Variants in PPP1R7 observed in about 807,000 individuals in gnomAD.
PPP1R7 encodes the protein protein phosphatase 1 regulatory subunit 22.
A neutral mutation model predicts 45.2 loss-of-function variants in PPP1R7; 18 were observed. The observed-to-expected ratio is 0.40, with a 90% CI of 0.28 to 0.59. PPP1R7 has a LOEUF of 0.59. PPP1R7 is among the 20% of genes least tolerant of loss of function. The pLI is 0.46. For synonymous variants in PPP1R7, 181 were observed against 183.4 expected (o/e 0.99, Z 0.11); for missense variants, 314 against 455.8 (o/e 0.69, Z 2.83).
chr2:241,165,704 C>T (rs2067689434), intron 7 of PPP1R7, among the ~76,000 whole-genome samples: 1 of 152,040 alleles, frequency 6.6e-6, no homozygotes, highest in Non-Finnish European at 1.5e-5. Context: ...CGCCATTCTC[C>T]TGCCTCAGCC....
At chr2:241,154,350 G>C (rs59600373) in intron 2 of PPP1R7, among the ~76,000 whole-genome samples, 4 of 151,984 alleles carry the variant, frequency 2.6e-5, no homozygotes, top group Non-Finnish European at 5.9e-5. Flanking sequence ...TTATTTCTGA[G>C]TCTTGCCTTA....
At chr2:241,150,819 C>G (rs1321101248) in intron 1 of PPP1R7, among the ~76,000 whole-genome samples, 1 of 152,092 alleles carries the variant, frequency 6.6e-6, no homozygotes, top group African/African-American at 2.4e-5. Flanking sequence ...GAATGGGACG[C>G]GGTGGCTCCA....
chr2:241,182,264 A>G (rs1005842618), intron 9 of PPP1R7, among the ~76,000 whole-genome samples: 1 of 152,222 alleles, frequency 6.6e-6, no homozygotes, highest in Admixed American at 6.5e-5. Context: ...GTGATGGCGC[A>G]GAGTGCAGCC....
intron 2 of PPP1R7, among the ~76,000 whole-genome samples, 194 bp downstream of exon 2, chr2:241,153,798 C>T (rs554007734): frequency 3.9e-5 from 6 of 152,138 alleles, no homozygotes; most frequent in East Asian, 1.9e-4. Flanking sequence ...TCATTGATGG[C>T]GTTTGCAAAA....
At chr2:241,149,949 C>T, upstream of PPP1R7, 1 of 1,426,384 alleles carries the variant, frequency 7.0e-7, no homozygotes, top group Non-Finnish European at 9.1e-7. Flanking sequence ...GAGAAGGCGG[C>T]ATTTCGCATG....
intron 6 of PPP1R7, 141 bp from the exon 7 acceptor site, chr2:241,163,144 C>T: frequency 1.5e-6 from 1 of 645,976 alleles, no homozygotes; most frequent in East Asian, 2.6e-5. Context: ...AGGATTTCCA[C>T]TGGAAGTCTT....
intron 9 of PPP1R7, among the ~76,000 whole-genome samples, chr2:241,181,545 C>T (rs1351061590): frequency 6.6e-6 from 1 of 152,042 alleles, no homozygotes; most frequent in Non-Finnish European, 1.5e-5. Context: ...GTGTGCCAGA[C>T]AGGGCCCCAG....
At chr2:241,169,919 C>A in intron 9 of PPP1R7, 52 bp downstream of exon 9, 3 of 1,379,278 alleles carry the variant, frequency 2.2e-6, no homozygotes, top group Non-Finnish European at 3.1e-6. Context: ...ACTGGTCTCA[C>A]TGATTAAAAT....
At position 241,182,896 on chromosome 2, in the gene PPP1R7, T is replaced by G. The variant is rs2068029662; in HGVS notation, c.*73T>G. On this transcript the variant is annotated 3_prime_UTR_variant, in exon 10 of 10. Coordinates refer to ENST00000234038, the MANE Select transcript of PPP1R7 (RefSeq NM_002712.3). ...AGCCACGGGTTTTTAACCCACCTGT[T>G]GCTCCTGAGGTCGTCACTATATCAA... The G allele has an allele frequency of 6.6e-7, 1 of 1,525,338 alleles. No homozygotes were observed. Among genetic ancestry groups the G allele is most frequent in the Admixed American group, 1.8e-5 (1 of 54,188 alleles). 94.5% of individuals were successfully genotyped at this position (1,525,338 alleles called of 1,614,324 possible). A position where few individuals can be genotyped will look rare whatever the true frequency, so the allele number is the denominator to read the frequency against.
intron 7 of PPP1R7, among the ~76,000 whole-genome samples, chr2:241,164,355 A>G (rs1359120299): frequency 1.3e-5 from 2 of 152,252 alleles, no homozygotes; most frequent in Non-Finnish European, 2.9e-5. Context: ...TCCATTGCAC[A>G]GAGAATATCA....
chr2:241,170,565 C>T (rs2067795330), intron 9 of PPP1R7, among the ~76,000 whole-genome samples: 1 of 152,194 alleles, frequency 6.6e-6, no homozygotes, highest in East Asian at 1.9e-4. Flanking sequence ...GCACAGGTGT[C>T]ACCCTGTGAT....
chr2:241,151,445 C>T (rs528130773), intron 1 of PPP1R7: 11 of 470,910 alleles, frequency 2.3e-5, no homozygotes, highest in African/African-American at 2.0e-4. Context: ...AGAAGCAGGG[C>T]GAGCTCTGAG....
chr2:241,182,613 GT>G, intron 9 of PPP1R7, 33 bp from the exon 10 acceptor site: 1 of 1,611,788 alleles, frequency 6.2e-7, no homozygotes, highest in Non-Finnish European at 8.5e-7. Context: ...GGGCTGTTTG[GT>G]TCTAAAGGCT....
In PPP1R7 at chr2:241,158,543, A is replaced by T; in HGVS notation, c.297A>T (p.Lys99Asn). The T allele has an allele frequency of 1.9e-6, 3 of 1,613,356 alleles. No homozygotes were observed. Among genetic ancestry groups the T allele is most frequent in the Non-Finnish European group, 2.5e-6 (3 of 1,179,218 alleles). ...GKIEGFEVLK[K>N]VKTLCLRQNL... Reference sequence around the variant, plus strand: ...TTGAAGGATTTGAGGTACTGAAGAAAGTGAAGGTGAGAGGGACTCTTATGA... The same window carrying T: ...TTGAAGGATTTGAGGTACTGAAGAATGTGAAGGTGAGAGGGACTCTTATGA... The change falls in exon 4 of 10, where the codon AAA becomes AAT. Residue 99 changes from lysine (K) to asparagine (N), a missense_variant. Lys to Asn is a moderately conservative substitution (Grantham distance 94). Coordinates refer to ENST00000234038, the MANE Select transcript of PPP1R7 (RefSeq NM_002712.3).
At chr2:241,164,943 G>A (rs895025510) in intron 7 of PPP1R7, among the ~76,000 whole-genome samples, 1 of 152,068 alleles carries the variant, frequency 6.6e-6, no homozygotes, top group Non-Finnish European at 1.5e-5. Flanking sequence ...AGCTACTCAA[G>A]AGGATGAGGC....
At chr2:241,169,109 A>G (rs1410765057) in intron 8 of PPP1R7, among the ~76,000 whole-genome samples, 2 of 152,188 alleles carry the variant, frequency 1.3e-5, no homozygotes, top group East Asian at 3.9e-4. Flanking sequence ...AGAAGATCCT[A>G]AAAACACACT....
chr2:241,155,836 C>A (rs964238395), intron 2 of PPP1R7, among the ~76,000 whole-genome samples: 1 of 152,182 alleles, frequency 6.6e-6, no homozygotes, highest in Non-Finnish European at 1.5e-5. Context: ...AGTGCAACTT[C>A]CTGAGTTTAT....
At chr2:241,170,591 G>C (rs568372828) in intron 9 of PPP1R7, among the ~76,000 whole-genome samples, 1 of 152,340 alleles carries the variant, frequency 6.6e-6, no homozygotes, top group African/African-American at 2.4e-5. Flanking sequence ...GAATGTAGTA[G>C]TGTCCTCAGA....
chr2:241,149,661 C>G (rs768594227), upstream of PPP1R7: 13 of 1,544,100 alleles, frequency 8.4e-6, no homozygotes, highest in Middle Eastern at 3.4e-4. Flanking sequence ...GCGCCTCCGC[C>G]CCCGGGCCGG....
Sources: allele counts gnomAD v4.1 joint callset (sites outside exome capture counted in the v4.1 genomes callset), GRCh38; gene constraint gnomAD v4.1.1; transcripts MANE v1.5; gene names NCBI Gene and HGNC (gene_info 2026-07-23, HGNC 2026-07-21).